Variants in SPIRE1 observed in about 807,000 individuals in gnomAD.
The protein encoded by SPIRE1 is spire type actin nucleation factor 1.
Under a neutral mutation model 94.1 loss-of-function variants are expected in SPIRE1, and 40 were observed. The ratio of observed to expected loss-of-function variants is 0.43; its 90% CI spans 0.33 to 0.55. SPIRE1 has a LOEUF of 0.55. Ranked by LOEUF, SPIRE1 falls within the 20% of genes least tolerant of loss-of-function variation. The pLI, the probability that SPIRE1 is intolerant of heterozygous loss-of-function variation, is 0.06. For synonymous variants in SPIRE1, 376 were observed against 371.7 expected (o/e 1.01, Z -0.13); for missense variants, 838 against 975.2 (o/e 0.86, Z 1.87).
intron 16 of SPIRE1, chr18:12,450,563 G>T: frequency 1.8e-6 from 1 of 552,100 alleles, no homozygotes; most frequent in Non-Finnish European, 3.2e-6. Flanking sequence ...CAATTTTGCA[G>T]AATTTTCCAA....
chr18:12,614,171 G>A (rs554191922), intron 2 of SPIRE1, among the ~76,000 whole-genome samples: 3 of 152,262 alleles, frequency 2.0e-5, no homozygotes, highest in East Asian at 3.9e-4. Flanking sequence ...TGAGGCAGGA[G>A]GACTGCTTGA....
intron 2 of SPIRE1, among the ~76,000 whole-genome samples, chr18:12,622,369 T>A (rs936914504): frequency 1.3e-5 from 2 of 151,264 alleles, no homozygotes; most frequent in Non-Finnish European, 2.9e-5. Flanking sequence ...TAGAAAAAAA[T>A]TTCAGACAGA....
intron 2 of SPIRE1, among the ~76,000 whole-genome samples, chr18:12,572,738 A>G (rs983970656): frequency 1.3e-5 from 2 of 152,238 alleles, no homozygotes; most frequent in Non-Finnish European, 2.9e-5. Context: ...ACAGAAATAG[A>G]GTCAACTGAT....
chr18:12,619,848 G>GGA (rs1555633041), intron 2 of SPIRE1, among the ~76,000 whole-genome samples: 13 of 111,002 alleles, frequency 1.2e-4, no homozygotes, highest in African/African-American at 3.9e-4. Context: ...TCTGCCTCAG[G>GGA]AAAAAAAAAA....
Position 12,532,602 on chromosome 18 carries a change from TC to T in SPIRE1, c.729+2873del, listed in dbSNP as rs1189468904. Among the ~76,000 whole-genome samples the T allele has an allele frequency of 3.3e-5, 5 of 152,364 alleles. No individual in the cohort carries two copies. In the South Asian group the frequency reaches 1.0e-3, roughly 32 times the overall value. On this transcript the variant is annotated intron_variant, in intron 4 of 16. Transcript: ENST00000409402. ...CTAACTCATAGGTATAAAGAATGAT[TC>T]TTAAAATATATTAAGTATTTTGGGA...
At chr18:12,451,036 G>T in intron 16 of SPIRE1, 1 of 502,268 alleles carries the variant, frequency 2.0e-6, no homozygotes, top group Non-Finnish European at 3.6e-6. Flanking sequence ...GGGAGGAGGA[G>T]GAGGAGGAGG....
At chr18:12,543,885 G>T (rs914831209) in intron 3 of SPIRE1, among the ~76,000 whole-genome samples, 6 of 152,178 alleles carry the variant, frequency 3.9e-5, no homozygotes, top group Admixed American at 2.0e-4. Flanking sequence ...ATGAATTGAG[G>T]TTTTTAACCT....
chr18:12,503,328 G>A (rs191655554), intron 6 of SPIRE1, among the ~76,000 whole-genome samples: 8 of 152,182 alleles, frequency 5.3e-5, no homozygotes, highest in Non-Finnish European at 1.0e-4. Context: ...TTCACAGCGC[G>A]CATCCGACCT....
rs371337276 is a variant in SPIRE1 at position 12,493,206 on chromosome 18, A to G, written c.1060-5T>C. Reference sequence around the variant, plus strand: ...TTTCAGTTTTCTGGCTGAGACCTTGAAAGTAAGAAAAATGGCTAAAGACTT... The same window carrying G: ...TTTCAGTTTTCTGGCTGAGACCTTGGAAGTAAGAAAAATGGCTAAAGACTT... On this transcript the variant is annotated splice_polypyrimidine_tract_variant and splice_region_variant and intron_variant, in intron 7 of 16. Transcript: ENST00000409402. 111 of 1,607,304 alleles carry G rather than the reference A, an allele frequency of 6.9e-5. No homozygotes were observed. The highest frequency in any genetic ancestry group is 8.1e-5 in the Non-Finnish European group (95 of 1,178,526).
chr18:12,450,511 G>A (rs748005286), intron 16 of SPIRE1: 16 of 552,326 alleles, frequency 2.9e-5, no homozygotes, highest in East Asian at 2.7e-4. Flanking sequence ...TTGTGCAGAC[G>A]TGCAGAGAAG....
intron 2 of SPIRE1, among the ~76,000 whole-genome samples, chr18:12,626,886 A>ATATATATATATATATATTTT (rs55915333): frequency 4.5e-5 from 5 of 111,894 alleles, no homozygotes; most frequent in Non-Finnish European, 7.4e-5. Context: ...ATATATATAT[A>ATATATATATATATATATTTT]TTTTTTTTTT....
At chr18:12,461,452 GTGTA>G (rs10570194) in intron 12 of SPIRE1, among the ~76,000 whole-genome samples, 16,602 of 142,474 alleles carry the variant, frequency 0.12, 2,521 homozygotes, top group African/African-American at 0.32. Context: ...ACATACATGT[GTGTA>G]TGTATGTACA....
chr18:12,519,110 C>T (rs1217348004), intron 4 of SPIRE1, among the ~76,000 whole-genome samples: 1 of 151,962 alleles, frequency 6.6e-6, no homozygotes, highest in African/African-American at 2.4e-5. Flanking sequence ...CAAGTAACAA[C>T]TATAGCAATT....
intron 2 of SPIRE1, among the ~76,000 whole-genome samples, chr18:12,576,439 A>G (rs1397658009): frequency 6.6e-6 from 1 of 150,908 alleles, no homozygotes; most frequent in Non-Finnish European, 1.5e-5. Flanking sequence ...AAAATTAGCC[A>G]GGTGTGGTGG....
In SPIRE1 at chr18:12,493,077, C is replaced by T. The variant is rs1598928965; in HGVS notation, c.1184G>A (p.Arg395Lys). 6.2e-7 allele frequency: 1 copy of T among 1,610,414 alleles called. No individual in the cohort carries two copies. The highest frequency in any genetic ancestry group is 1.8e-4 in the Middle Eastern group (1 of 5,464). ...PVSPEEIRRS[R>K]LAMRPLSMSY... Reference sequence around the variant, plus strand: ...ACAGGAAGCAGTGGACTCACCTAATCTGCTACGTCTAATCTCCTCTGGTGA... The same window carrying T: ...ACAGGAAGCAGTGGACTCACCTAATTTGCTACGTCTAATCTCCTCTGGTGA... Residue 395 changes from arginine (R) to lysine (K), a missense_variant, in exon 8 of 17, where the codon AGA becomes AAA. Transcript: ENST00000409402.
chr18:12,605,019 A>G (rs1310835544), intron 2 of SPIRE1, among the ~76,000 whole-genome samples: 1 of 151,910 alleles, frequency 6.6e-6, no homozygotes, highest in Non-Finnish European at 1.5e-5. Context: ...TGGTAATTCC[A>G]CTTCTATGAG....
Position 12,594,040 on chromosome 18 carries a change from A to T in SPIRE1, c.372+41022T>A, listed in dbSNP as rs190780155. The stretch of plus-strand genomic sequence containing the variant: ...TAGGAATTAGTATAAAATGCTGCCT[A>T]TGATGCACATTGGAAGGACAACTAA... On this transcript the variant is annotated intron_variant, in intron 2 of 16. Transcript: ENST00000409402. Among the ~76,000 whole-genome samples, 257 of 152,324 alleles carry T rather than the reference A, an allele frequency of 1.7e-3. 3 individuals carry two copies. The highest frequency in any genetic ancestry group is 9.6e-4 in the East Asian group (5 of 5,190).
intron 6 of SPIRE1, among the ~76,000 whole-genome samples, chr18:12,505,150 T>C (rs1008459148): frequency 6.6e-6 from 1 of 152,164 alleles, no homozygotes; most frequent in Non-Finnish European, 1.5e-5. Flanking sequence ...GCCTACTTGG[T>C]TGTTTTTGGG....
intron 1 of SPIRE1, among the ~76,000 whole-genome samples, chr18:12,648,029 A>C (rs2038272284): frequency 1.3e-5 from 2 of 152,208 alleles, no homozygotes; most frequent in Admixed American, 6.5e-5. Context: ...GAACAATCTG[A>C]GCAACAAAAC....
Sources: gnomAD v4.1 joint callset for allele counts (sites outside exome capture counted in the v4.1 genomes callset) on GRCh38, gnomAD v4.1.1 for gene constraint, MANE v1.5 for transcripts, NCBI Gene and HGNC (gene_info 2026-07-23, HGNC 2026-07-21) for gene names.